The following BTAF1 variants were observed in gnomAD, a reference collection of about 807,000 sequenced individuals.
The protein encoded by BTAF1 is TATA-binding protein-associated factor 172.
Under a neutral mutation model 227.1 loss-of-function variants are expected in BTAF1, and 38 were observed. The ratio of observed to expected loss-of-function variants is 0.17; its 90% CI spans 0.13 to 0.22. The LOEUF (loss-of-function observed/expected upper bound fraction) is 0.22, where lower values mean the gene tolerates loss of function less well. BTAF1 is among the 10% of genes least tolerant of loss of function. The pLI is 1.00. For missense variants in BTAF1, 1,598 were observed against 2,204.0 expected (o/e 0.73, Z 5.51); for synonymous variants, 742 against 751.9 (o/e 0.99, Z 0.21).
intron 34 of BTAF1, among the ~76,000 whole-genome samples, chr10:92,023,068 T>G (rs1172293748): frequency 6.6e-6 from 1 of 152,148 alleles, no homozygotes; most frequent in African/African-American, 2.4e-5. Context: ...TCACATATAC[T>G]CCCTTTGCCT....
At chr10:91,997,845 A>T in intron 25 of BTAF1, 94 bp downstream of exon 25, 1 of 1,288,918 alleles carries the variant, frequency 7.8e-7, no homozygotes, top group Non-Finnish European at 1.1e-6. Context: ...ACAAAGGCTC[A>T]TGCCTGTAAT....
intron 1 of BTAF1, among the ~76,000 whole-genome samples, chr10:91,928,576 C>A (rs1844027803): frequency 6.6e-6 from 1 of 152,138 alleles, no homozygotes; most frequent in African/African-American, 2.4e-5. Flanking sequence ...ATGTTACAGG[C>A]TTTCAGTGTT....
intron 21 of BTAF1, among the ~76,000 whole-genome samples, chr10:91,992,970 G>A (rs1848902427): frequency 6.6e-6 from 1 of 152,208 alleles, no homozygotes; most frequent in Non-Finnish European, 1.5e-5. Context: ...GCATAGGAAT[G>A]TACCTCAGTT....
Position 91,948,094 on chromosome 10 carries a change from G to C in BTAF1, c.401-3309G>C, listed in dbSNP as rs545438449. On this transcript the variant is annotated intron_variant, in intron 4 of 37. Coordinates refer to ENST00000265990, the MANE Select transcript of BTAF1 (RefSeq NM_003972.3). ...CACATATGTATACATGTGCCGTGTT[G>C]GTTTGCTGCACGCATTAACTCGTCA... 7.2e-5 allele frequency among the ~76,000 whole-genome samples: 11 copies of C among 151,922 alleles called. No homozygotes were observed. In the East Asian group the frequency reaches 2.1e-3, roughly 29 times the overall value.
In BTAF1 at chr10:91,992,274, G is replaced by A; in HGVS notation, c.3010G>A (p.Gly1004Arg). 6.2e-7 allele frequency: 1 copy of A among 1,612,276 alleles called. No individual in the cohort carries two copies. The highest frequency in any genetic ancestry group is 1.1e-5 in the South Asian group (1 of 90,766). The stretch of plus-strand genomic sequence containing the variant: ...AGCTCAAATAGCAGATCTTCCTGCA[G>A]GAAGTAGTGGAAATATTCTTGTTGA... ...VKAQIADLPA[G>R]SSGNILVELD... Residue 1004 changes from glycine (G) to arginine (R), a missense_variant, in exon 21 of 38, where the codon GGA becomes AGA. Gly to Arg is a moderately radical substitution (Grantham distance 125). This residue lies in a region of BTAF1 where 425 missense variants were observed against 491.2 expected (regional missense o/e 0.87). Coordinates refer to ENST00000265990, the MANE Select transcript of BTAF1 (RefSeq NM_003972.3).
In BTAF1 at chr10:91,977,318, GTCATATAGTTGGAA is replaced by G. The variant is rs544023427; in HGVS notation, c.1651-3126_1651-3113del. On this transcript the variant is annotated intron_variant, in intron 14 of 37. Transcript: ENST00000265990. ...TCCATAGTTTTGCCTTTTCCAGAAT[GTCATATAGTTGGAA>G]TCATATAGTATGGAGCCTTTTCAGA... Among the ~76,000 whole-genome samples, 17 of 152,290 alleles carry G rather than the reference GTCATATAGTTGGAA, an allele frequency of 1.1e-4. No individual in the cohort carries two copies. The South Asian group carries it at 3.5e-3, about 32-fold the overall frequency.
At chr10:91,927,082 C>T (rs1233014289) in intron 1 of BTAF1, among the ~76,000 whole-genome samples, 1 of 152,024 alleles carries the variant, frequency 6.6e-6, no homozygotes, top group Non-Finnish European at 1.5e-5. Context: ...ATCTTTGGAA[C>T]ACTTCTTAGC....
intron 2 of BTAF1, among the ~76,000 whole-genome samples, chr10:91,936,841 A>C (rs994357405): frequency 6.6e-6 from 1 of 152,160 alleles, no homozygotes; most frequent in African/African-American, 2.4e-5. Context: ...CTGAACTGAG[A>C]AAAGTTTTCC....
chr10:92,013,591 G>A (rs1410494826), intron 30 of BTAF1, 76 bp from the exon 31 acceptor site: 14 of 1,546,698 alleles, frequency 9.1e-6, no homozygotes, highest in Middle Eastern at 1.7e-4. Flanking sequence ...ATAATAATGG[G>A]CTTTCATTAA....
chr10:91,978,924 C>T (rs1847893107), intron 14 of BTAF1, among the ~76,000 whole-genome samples: 1 of 146,356 alleles, frequency 6.8e-6, no homozygotes, highest in African/African-American at 2.5e-5. Context: ...GATTATTTTG[C>T]CACCTAGGTA....
At position 91,989,543 on chromosome 10, in the gene BTAF1, T is replaced by C. The variant is rs1042038376; in HGVS notation, c.2817T>C (p.Cys939=). 6.2e-7 allele frequency: 1 copy of C among 1,611,072 alleles called. No individual in the cohort carries two copies. The highest frequency in any genetic ancestry group is 1.3e-5 in the African/African-American group (1 of 74,692). ...CATATCTAACTCCTTGTGTCACATG[T>C]CCAGTACCAACACAAAGTGGCCAGG... The part of the protein sequence containing the change: ...VDPYLTPCVT[C]PVPTQSGQEN... Residue 939 remains cysteine (C), a synonymous_variant, in exon 20 of 38, where the codon TGT becomes TGC. Coordinates refer to ENST00000265990, the MANE Select transcript of BTAF1 (RefSeq NM_003972.3).
chr10:91,966,767 G>C lies in BTAF1; in HGVS notation c.1650+10G>C. On this transcript the variant is annotated intron_variant, in intron 14 of 37. Transcript: ENST00000265990. ...ATCAACACAGGACCAGGTAAGAACT[G>C]ATAACTATAGCAGTCTTGAAACTTA... is the stretch of plus-strand genomic sequence containing the variant. 6.2e-7 allele frequency: 1 copy of C among 1,611,212 alleles called. No individual in the cohort carries two copies.
At chr10:91,927,087 C>G (rs1843894917) in intron 1 of BTAF1, among the ~76,000 whole-genome samples, 1 of 151,886 alleles carries the variant, frequency 6.6e-6, no homozygotes, top group Non-Finnish European at 1.5e-5. Flanking sequence ...TGGAACACTT[C>G]TTAGCCCCAT....
chr10:92,004,849 T>C (rs145771334), intron 25 of BTAF1, among the ~76,000 whole-genome samples: 2,283 of 152,298 alleles, frequency 0.015, 30 homozygotes, highest in Non-Finnish European at 0.017. Flanking sequence ...AAGGCTTTTT[T>C]CTTATTTTTT....
intron 4 of BTAF1, among the ~76,000 whole-genome samples, chr10:91,950,832 A>ATTTT (rs375509577): frequency 0.012 from 1,594 of 132,548 alleles, 50 homozygotes; most frequent in African/African-American, 0.041. Context: ...ATAGAGATGT[A>ATTTT]TTTTTTTTTT....
Position 91,923,917 on chromosome 10 carries a change from G to A in BTAF1, c.-160G>A. On this transcript the variant is annotated 5_prime_UTR_variant, in exon 1 of 38. Coordinates refer to ENST00000265990, the MANE Select transcript of BTAF1 (RefSeq NM_003972.3). ...CGGGGACGAGCTCGGGTAGGCGGCA[G>A]GGCAGATGCCCGAGGGCCTGCGCTG... The A allele has an allele frequency of 1.2e-6, 1 of 843,800 alleles. No homozygotes were observed. The highest frequency in any genetic ancestry group is 2.3e-5 in the South Asian group (1 of 43,090). The allele number at this position is 843,800 out of a possible 1,614,324, so 52.3% of individuals were successfully genotyped here.
intron 24 of BTAF1, among the ~76,000 whole-genome samples, chr10:91,996,922 G>A (rs978261997): frequency 6.6e-6 from 1 of 151,982 alleles, no homozygotes; most frequent in African/African-American, 2.4e-5. Context: ...TATTCTATAG[G>A]TAGTCCCTAT....
At chr10:91,925,367 AAT>A (rs1843753275) in intron 1 of BTAF1, among the ~76,000 whole-genome samples, 3 of 152,174 alleles carry the variant, frequency 2.0e-5, no homozygotes, top group South Asian at 4.1e-4. Context: ...ATGTAAACTT[AAT>A]ATAACATTTA....
intron 8 of BTAF1, 71 bp from the exon 9 acceptor site, chr10:91,958,994 G>A (rs532122620): frequency 5.8e-5 from 79 of 1,367,308 alleles, no homozygotes; most frequent in African/African-American, 1.9e-4. Context: ...TCCCTATTTC[G>A]TATAGAAGAA....
Sources: gnomAD v4.1 joint callset for allele counts (sites outside exome capture counted in the v4.1 genomes callset) on GRCh38, gnomAD v4.1.1 for gene constraint, gnomAD v4.1.1 regional missense constraint, MANE v1.5 for transcripts, NCBI Gene and HGNC (gene_info 2026-07-23, HGNC 2026-07-21) for gene names.